The following HPSE2 variants were observed in gnomAD, a reference collection of about 807,000 sequenced individuals.
HPSE2 encodes the protein inactive heparanase-2.
HPSE2 carries 38 observed loss-of-function variants against 60.5 expected under a neutral mutation model. The ratio of observed to expected loss-of-function variants is 0.63; its 90% confidence interval spans 0.48 to 0.82. The LOEUF is 0.82. Ranked by LOEUF, HPSE2 falls within the 40% of genes least tolerant of loss-of-function variation. The pLI, the probability that HPSE2 is intolerant of heterozygous loss-of-function variation, is 0.00. For missense variants in HPSE2, 713 were observed against 740.4 expected, an observed-to-expected ratio of 0.96 and a Z score of 0.43; for synonymous variants, 295 against 293.2, an observed-to-expected ratio of 1.01 and a Z score of -0.06.
intron 3 of HPSE2, among the ~76,000 whole-genome samples, chr10:98,980,582 G>A (rs1956183057): frequency 1.3e-5 from 2 of 152,154 alleles, no homozygotes; most frequent in African/African-American, 4.8e-5. Context: ...TGAACAGTTC[G>A]AACAGTCAGC....
At chr10:98,907,392 T>C (rs969396418) in intron 3 of HPSE2, among the ~76,000 whole-genome samples, 1 of 152,164 alleles carries the variant, frequency 6.6e-6, no homozygotes, top group Admixed American at 6.5e-5. Context: ...ACTTAGCTAC[T>C]GAAGAGGCTG....
intron 3 of HPSE2, among the ~76,000 whole-genome samples, chr10:98,804,725 G>A (rs973315418): frequency 6.6e-6 from 1 of 152,186 alleles, no homozygotes; most frequent in Non-Finnish European, 1.5e-5. Context: ...AAGTTTGGAG[G>A]TTCCTCAGAA....
intron 2 of HPSE2, among the ~76,000 whole-genome samples, chr10:99,209,417 G>C (rs1848876812): frequency 6.6e-6 from 1 of 151,934 alleles, no homozygotes; most frequent in East Asian, 1.9e-4. Flanking sequence ...AAATTAAAAG[G>C]CAAATTTTAA....
the HPSE2 span, among the ~76,000 whole-genome samples, chr10:99,283,402 G>A: frequency 1.3e-5 from 2 of 151,656 alleles, no homozygotes; most frequent in Non-Finnish European, 2.9e-5. Context: ...TGCTTGGGAG[G>A]CTGAGGTGGG....
intron 2 of HPSE2, among the ~76,000 whole-genome samples, chr10:99,210,414 A>G (rs946850889): frequency 6.6e-6 from 1 of 152,234 alleles, no homozygotes; most frequent in African/African-American, 2.4e-5. Flanking sequence ...TTCCAAACTC[A>G]TTTTATGAGA....
chr10:98,642,954 A>T (rs1946675984), intron 6 of HPSE2, among the ~76,000 whole-genome samples: 2 of 152,216 alleles, frequency 1.3e-5, no homozygotes, highest in African/African-American at 4.8e-5. Flanking sequence ...TTTCAATGTC[A>T]ACTTGCCATA....
intron 3 of HPSE2, among the ~76,000 whole-genome samples, chr10:98,811,290 G>T (rs1448784953): frequency 1.3e-5 from 2 of 152,066 alleles, no homozygotes; most frequent in African/African-American, 2.4e-5. Context: ...CCTCACAATT[G>T]TAATTACAGA....
At chr10:99,119,708 A>G (rs1040688479) in intron 3 of HPSE2, among the ~76,000 whole-genome samples, 4 of 152,238 alleles carry the variant, frequency 2.6e-5, no homozygotes, top group Admixed American at 6.5e-5. Flanking sequence ...CTACAGAACT[A>G]CAGTCACCAA....
intron 3 of HPSE2, among the ~76,000 whole-genome samples, chr10:99,043,844 A>G (rs1000989377): frequency 5.3e-5 from 8 of 152,186 alleles, no homozygotes; most frequent in Non-Finnish European, 8.8e-5. Flanking sequence ...AAAATAAAAA[A>G]AACTCCAAGA....
chr10:99,123,477 T>C (rs956295224), intron 3 of HPSE2, among the ~76,000 whole-genome samples: 6 of 152,208 alleles, frequency 3.9e-5, no homozygotes, highest in Non-Finnish European at 8.8e-5. Flanking sequence ...AAAACAGCAC[T>C]AAAGGCAGAG....
intron 3 of HPSE2, among the ~76,000 whole-genome samples, chr10:98,848,255 T>C (rs563349149): frequency 1.1e-4 from 17 of 152,184 alleles, no homozygotes; most frequent in African/African-American, 3.9e-4. Context: ...CCGTCTCTAC[T>C]AAAAATACCA....
intron 3 of HPSE2, among the ~76,000 whole-genome samples, chr10:98,991,760 C>CA (rs201547025): frequency 1.0e-3 from 155 of 148,638 alleles, no homozygotes; most frequent in South Asian, 3.6e-3. Context: ...GCGTGGTGGA[C>CA]AAAAAAAAAC....
intron 6 of HPSE2, among the ~76,000 whole-genome samples, chr10:98,684,738 G>A (rs1318907424): frequency 1.1e-4 from 17 of 151,992 alleles, no homozygotes; most frequent in Non-Finnish European, 2.9e-5. Context: ...CTTCTGGAGT[G>A]GGGAAATTTG....
intron 1 of HPSE2, among the ~76,000 whole-genome samples, chr10:99,234,920 A>G (rs978304035): frequency 6.6e-6 from 1 of 152,182 alleles, no homozygotes; most frequent in Admixed American, 6.5e-5. Flanking sequence ...TCTGGAAATG[A>G]CAGCGGAGGA....
At chr10:99,285,517 GT>G in the HPSE2 span, among the ~76,000 whole-genome samples, 2 of 136,434 alleles carry the variant, frequency 1.5e-5, no homozygotes, top group Non-Finnish European at 3.2e-5. Context: ...AAGGGAAGGA[GT>G]AGGGTGGAGG....
At chr10:99,103,614 G>A (rs201628044) in intron 3 of HPSE2, among the ~76,000 whole-genome samples, 24,789 of 151,902 alleles carry the variant, frequency 0.16, 2,447 homozygotes, top group Admixed American at 0.24. Context: ...GACTTTCTTC[G>A]CAGAATTGGA....
intron 2 of HPSE2, among the ~76,000 whole-genome samples, chr10:99,174,566 A>G (rs1454444392): frequency 6.6e-6 from 1 of 152,206 alleles, no homozygotes; most frequent in African/African-American, 2.4e-5. Flanking sequence ...TAGATTGGTA[A>G]CATGTCTAAC....
intron 9 of HPSE2, among the ~76,000 whole-genome samples, chr10:98,588,867 T>G (rs1286489386): frequency 6.6e-6 from 1 of 150,652 alleles, no homozygotes; most frequent in African/African-American, 2.4e-5. Context: ...AGATGGCATC[T>G]AGAAGGAAAA....
intron 5 of HPSE2, among the ~76,000 whole-genome samples, chr10:98,719,599 G>A (rs540400111): frequency 5.3e-5 from 8 of 150,104 alleles, no homozygotes; most frequent in Non-Finnish European, 1.2e-4. Flanking sequence ...GGGTATCACT[G>A]CTTATTAGCT....
Sources: gnomAD v4.1 joint callset for allele counts (sites outside exome capture counted in the v4.1 genomes callset) on GRCh38, gnomAD v4.1.1 for gene constraint, MANE v1.5 for transcripts, NCBI Gene and HGNC (gene_info 2026-07-23, HGNC 2026-07-21) for gene names.